CNTN4: variants seen among roughly 807,000 people sequenced by gnomAD.
CNTN4 encodes the protein contactin-4.
Under a neutral mutation model 122.5 loss-of-function variants are expected in CNTN4, and 77 were observed. The observed-to-expected ratio is 0.63, with a 90% CI of 0.52 to 0.76. CNTN4 has a LOEUF of 0.76. Among genes scored for constraint, CNTN4 ranks in the 30% least tolerant of loss-of-function variants. The pLI, the probability that CNTN4 is intolerant of heterozygous loss-of-function variation, is 0.00. For missense variants in CNTN4, 1,256 were observed against 1,259.1 expected (o/e 1.00, Z 0.04); for synonymous variants, 512 against 447.0 (o/e 1.15, Z -1.83).
chr3:2,514,851 A>G (rs1481075133), intron 3 of CNTN4, among the ~76,000 whole-genome samples: 1 of 152,056 alleles, frequency 6.6e-6, no homozygotes, highest in Non-Finnish European at 1.5e-5. Flanking sequence ...ATATTTCACT[A>G]GGATGCTTTC....
At chr3:2,516,852 GA>G (rs1203660105) in intron 3 of CNTN4, among the ~76,000 whole-genome samples, 1 of 152,062 alleles carries the variant, frequency 6.6e-6, no homozygotes, top group Non-Finnish European at 1.5e-5. Flanking sequence ...GGGACTAAAG[GA>G]GACAGATTTA....
intron 5 of CNTN4, among the ~76,000 whole-genome samples, chr3:2,744,774 A>T (rs1229604906): frequency 1.3e-5 from 2 of 152,226 alleles, no homozygotes; most frequent in African/African-American, 4.8e-5. Context: ...CGCTGTTAAA[A>T]TGTGTGGGTC....
chr3:2,843,694 C>T (rs923355602), intron 7 of CNTN4, among the ~76,000 whole-genome samples: 2 of 152,096 alleles, frequency 1.3e-5, no homozygotes, highest in African/African-American at 4.8e-5. Context: ...GTGAAGTGCC[C>T]GCTCCTGCTT....
intron 6 of CNTN4, among the ~76,000 whole-genome samples, chr3:2,756,722 A>G (rs935478106): frequency 6.6e-5 from 10 of 152,186 alleles, no homozygotes; most frequent in African/African-American, 2.2e-4. Context: ...GAAAGAGACT[A>G]TGTTACCATG....
intron 3 of CNTN4, among the ~76,000 whole-genome samples, chr3:2,418,629 G>A (rs770287153): frequency 2.0e-5 from 3 of 152,054 alleles, no homozygotes; most frequent in Non-Finnish European, 2.9e-5. Context: ...CTGAAATAAA[G>A]AATCAGTAAA....
At chr3:3,038,858 C>T in intron 18 of CNTN4, 75 bp from the exon 19 acceptor site, 2 of 1,259,490 alleles carry the variant, frequency 1.6e-6, no homozygotes, top group African/African-American at 1.5e-5. Flanking sequence ...AGTGAGTCAC[C>T]TCTGCCAGGC....
At chr3:2,329,301 A>G (rs753837252) in intron 2 of CNTN4, among the ~76,000 whole-genome samples, 7 of 152,170 alleles carry the variant, frequency 4.6e-5, no homozygotes, top group Non-Finnish European at 1.0e-4. Flanking sequence ...ACTACATACA[A>G]ATCACTTATG....
At chr3:2,321,853 A>G (rs931930719) in intron 2 of CNTN4, among the ~76,000 whole-genome samples, 2 of 152,086 alleles carry the variant, frequency 1.3e-5, no homozygotes, top group Non-Finnish European at 2.9e-5. Flanking sequence ...TTTGACCTTC[A>G]TTTTTACTTA....
chr3:2,456,778 C>T (rs751108489), intron 3 of CNTN4, among the ~76,000 whole-genome samples: 5 of 152,030 alleles, frequency 3.3e-5, no homozygotes, highest in South Asian at 2.1e-4. Context: ...TATCTATGGA[C>T]GCTTGAGTTG....
chr3:2,374,785 G>A (rs73807748), intron 3 of CNTN4, among the ~76,000 whole-genome samples: 13,710 of 152,108 alleles, frequency 0.09, 1,032 homozygotes, highest in African/African-American at 0.21. Flanking sequence ...AAATATACAT[G>A]AATGTTTAAA....
intron 6 of CNTN4, among the ~76,000 whole-genome samples, chr3:2,799,233 A>ATAT (rs2092287615): frequency 6.6e-6 from 1 of 152,010 alleles, no homozygotes; most frequent in African/African-American, 2.4e-5. Context: ...AAGATCCTGG[A>ATAT]TATTAGTTCC....
chr3:2,627,537 A>G (rs1370781299), intron 4 of CNTN4, among the ~76,000 whole-genome samples: 1 of 126,698 alleles, frequency 7.9e-6, no homozygotes, highest in South Asian at 2.5e-4. Flanking sequence ...TCTGTCGCCC[A>G]GGCTGGAGTG....
chr3:2,963,055 C>T (rs922713327), intron 13 of CNTN4, among the ~76,000 whole-genome samples: 2 of 152,024 alleles, frequency 1.3e-5, no homozygotes, highest in African/African-American at 4.8e-5. Flanking sequence ...TTAATGCTGC[C>T]CAGGATTATG....
intron 4 of CNTN4, among the ~76,000 whole-genome samples, chr3:2,678,550 T>G (rs1305524249): frequency 6.6e-6 from 1 of 152,210 alleles, no homozygotes; most frequent in Admixed American, 6.5e-5. Context: ...AGTTGCTTGA[T>G]GTAAGTGACC....
At chr3:2,886,972 C>T (rs1023784006) in intron 9 of CNTN4, 68 bp from the exon 10 acceptor site, 60 of 1,359,678 alleles carry the variant, frequency 4.4e-5, no homozygotes, top group Admixed American at 1.3e-4. Context: ...AAGAAGGAAG[C>T]GTTTAGGTTC....
At chr3:2,838,661 G>C (rs1028938643) in intron 7 of CNTN4, among the ~76,000 whole-genome samples, 1 of 151,980 alleles carries the variant, frequency 6.6e-6, no homozygotes, top group Non-Finnish European at 1.5e-5. Flanking sequence ...AATCACCCAG[G>C]AGCCCCAGCT....
At chr3:2,443,252 G>C (rs1469363308) in intron 3 of CNTN4, among the ~76,000 whole-genome samples, 1 of 152,086 alleles carries the variant, frequency 6.6e-6, no homozygotes, top group Non-Finnish European at 1.5e-5. Context: ...TGACAAACCT[G>C]TCCTTTCAAC....
intron 4 of CNTN4, among the ~76,000 whole-genome samples, chr3:2,657,804 A>G (rs2083664684): frequency 6.6e-6 from 1 of 151,870 alleles, no homozygotes; most frequent in Non-Finnish European, 1.5e-5. Context: ...AAGATTTCTT[A>G]ACCTCTTTTT....
chr3:2,309,225 T>C (rs967962990), intron 2 of CNTN4, among the ~76,000 whole-genome samples: 27 of 152,156 alleles, frequency 1.8e-4, no homozygotes, highest in African/African-American at 6.5e-4. Flanking sequence ...TCATCTGTAC[T>C]AAAATTTTTG....
Sources: gnomAD v4.1 joint callset for allele counts (sites outside exome capture counted in the v4.1 genomes callset) on GRCh38, gnomAD v4.1.1 for gene constraint, MANE v1.5 for transcripts, NCBI Gene and HGNC (gene_info 2026-07-23, HGNC 2026-07-21) for gene names.